NFATC1: variants seen among roughly 807,000 people sequenced by gnomAD.
NFATC1 encodes the protein nuclear factor of activated T-cells, cytoplasmic 1.
NFATC1 carries 22 observed loss-of-function variants against 76.0 expected under a neutral mutation model. The ratio of observed to expected loss-of-function variants is 0.29; its 90% CI spans 0.21 to 0.41. NFATC1 has a LOEUF of 0.41. Ranked by LOEUF, NFATC1 falls within the 10% of genes least tolerant of loss-of-function variation. NFATC1 has a pLI of 1.00. For synonymous variants in NFATC1, 704 were observed against 613.1 expected (o/e 1.15, Z -2.19); for missense variants, 1,357 against 1,337.7 (o/e 1.01, Z -0.23).
At chr18:79,450,447 A>AAT (rs1413068307) in intron 4 of NFATC1, among the ~76,000 whole-genome samples, 1 of 148,466 alleles carries the variant, frequency 6.7e-6, no homozygotes, top group Admixed American at 6.7e-5. Context: ...TTAACCTAAT[A>AAT]ATATATAATA....
chr18:79,431,016 C>T (rs1302795311), intron 2 of NFATC1, among the ~76,000 whole-genome samples: 2 of 152,336 alleles, frequency 1.3e-5, no homozygotes, highest in South Asian at 2.1e-4. Flanking sequence ...GATCACCTCA[C>T]GTGGGAAACA....
intron 3 of NFATC1, among the ~76,000 whole-genome samples, chr18:79,441,173 A>G (rs1299814094): frequency 6.6e-6 from 1 of 152,202 alleles, no homozygotes; most frequent in Non-Finnish European, 1.5e-5. Context: ...CTAGGGAAAT[A>G]GAAGGTTTCA....
At chr18:79,513,249 G>A (rs1026506764) in intron 9 of NFATC1, among the ~76,000 whole-genome samples, 1 of 152,154 alleles carries the variant, frequency 6.6e-6, no homozygotes, top group Non-Finnish European at 1.5e-5. Context: ...CGCCGTCCCC[G>A]GCCCCCACCT....
intron 3 of NFATC1, among the ~76,000 whole-genome samples, chr18:79,444,836 A>C (rs2087140034): frequency 6.6e-6 from 1 of 152,176 alleles, no homozygotes; most frequent in Admixed American, 6.5e-5. Flanking sequence ...GCACACGCCC[A>C]CACTCACGGA....
intron 2 of NFATC1, among the ~76,000 whole-genome samples, chr18:79,432,054 G>A (rs894555458): frequency 6.6e-6 from 1 of 152,242 alleles, no homozygotes; most frequent in African/African-American, 2.4e-5. Context: ...AGGTGTGGGG[G>A]CCTTCGGGGG....
chr18:79,400,128 C>T, intron 1 of NFATC1: 1 of 933,094 alleles, frequency 1.1e-6, no homozygotes, highest in South Asian at 4.8e-5. Flanking sequence ...CCTGCGGTCG[C>T]GCGCGCGCGA....
intron 1 of NFATC1, among the ~76,000 whole-genome samples, chr18:79,399,065 TCAAA>T (rs766940621): frequency 4.6e-5 from 7 of 152,264 alleles, no homozygotes; most frequent in Non-Finnish European, 1.0e-4. Flanking sequence ...AGACTCCGTC[TCAAA>T]CAAACAAAAA....
chr18:79,499,470 A>G (rs1204842987), intron 9 of NFATC1, among the ~76,000 whole-genome samples: 1 of 152,256 alleles, frequency 6.6e-6, no homozygotes, highest in Non-Finnish European at 1.5e-5. Flanking sequence ...AGCAAAAGTT[A>G]CACAAGACAT....
chr18:79,517,250 G>C (rs949810331), intron 9 of NFATC1, among the ~76,000 whole-genome samples: 1 of 152,204 alleles, frequency 6.6e-6, no homozygotes, highest in Admixed American at 6.5e-5. Context: ...TTAGCTAAAG[G>C]TGTATTTTCT....
At chr18:79,485,895 G>A (rs1042645251) in intron 8 of NFATC1, among the ~76,000 whole-genome samples, 3 of 152,204 alleles carry the variant, frequency 2.0e-5, no homozygotes, top group Non-Finnish European at 2.9e-5. Context: ...ACCGAGTGTC[G>A]GGAGCAGAAA....
At chr18:79,415,440 G>T (rs1261177496) in intron 2 of NFATC1, among the ~76,000 whole-genome samples, 1 of 151,856 alleles carries the variant, frequency 6.6e-6, no homozygotes, top group African/African-American at 2.4e-5. Context: ...CCACCACCGC[G>T]CCCGGCTATT....
intron 2 of NFATC1, among the ~76,000 whole-genome samples, chr18:79,412,309 G>A (rs1005045256): frequency 4.6e-5 from 7 of 152,248 alleles, no homozygotes; most frequent in African/African-American, 9.6e-5. Context: ...GCATGAAAAC[G>A]TCCGTGCAGG....
At chr18:79,496,106 A>G (rs963193307) in intron 9 of NFATC1, 1 of 152,694 alleles carries the variant, frequency 6.5e-6, no homozygotes, top group African/African-American at 2.4e-5. Flanking sequence ...TCTGGTGTAG[A>G]TGCACTCTGT....
At chr18:79,397,212 T>C (rs1272319249) in intron 1 of NFATC1, among the ~76,000 whole-genome samples, 1 of 152,202 alleles carries the variant, frequency 6.6e-6, no homozygotes, top group African/African-American at 2.4e-5. Context: ...TGCAGAGGTG[T>C]GAGCATACGA....
At chr18:79,474,615 G>A (rs563210156) in intron 8 of NFATC1, among the ~76,000 whole-genome samples, 5 of 145,438 alleles carry the variant, frequency 3.4e-5, no homozygotes, top group South Asian at 2.2e-4. Flanking sequence ...CACTGTTGAC[G>A]TAAACCTGAG....
intron 1 of NFATC1, among the ~76,000 whole-genome samples, chr18:79,405,561 G>A (rs1162802805): frequency 6.6e-6 from 1 of 152,250 alleles, no homozygotes; most frequent in Non-Finnish European, 1.5e-5. Flanking sequence ...CCAGGACAGT[G>A]GCCCCCGGCG....
intron 1 of NFATC1, among the ~76,000 whole-genome samples, chr18:79,401,434 C>T (rs73007652): frequency 0.044 from 6,722 of 152,170 alleles, 187 homozygotes; most frequent in Non-Finnish European, 0.067. Flanking sequence ...GTTCTCGACT[C>T]ACCACTCCCC....
chr18:79,503,788 CTG>C (rs2090062917), intron 9 of NFATC1, among the ~76,000 whole-genome samples: 1 of 152,242 alleles, frequency 6.6e-6, no homozygotes, highest in South Asian at 2.1e-4. Context: ...CACAGAAAAT[CTG>C]TTGTTTAGTG....
intron 7 of NFATC1, among the ~76,000 whole-genome samples, chr18:79,464,905 G>T (rs747959557): frequency 2.0e-5 from 3 of 151,130 alleles, no homozygotes; most frequent in South Asian, 2.1e-4. Context: ...GGGCCTCGCG[G>T]TGTTGCCCAG....
Sources: allele counts gnomAD v4.1 joint callset (sites outside exome capture counted in the v4.1 genomes callset), GRCh38; gene constraint gnomAD v4.1.1; transcripts MANE v1.5; gene names NCBI Gene and HGNC (gene_info 2026-07-23, HGNC 2026-07-21).